STOML2: variants seen among roughly 807,000 people sequenced by gnomAD.
STOML2 encodes the protein stomatin like 2, also known as stomatin-like protein 2, mitochondrial.
A neutral mutation model predicts 45.7 loss-of-function variants in STOML2; 22 were observed. That is an observed-to-expected ratio of 0.48 (90% CI 0.34 to 0.69). The LOEUF (loss-of-function observed/expected upper bound fraction) is 0.69, where lower values mean the gene tolerates loss of function less well. Ranked by LOEUF, STOML2 falls within the 30% of genes least tolerant of loss-of-function variation. The probability of loss-of-function intolerance (pLI) is 0.01; values close to 1 mark genes in which losing one functional copy is unlikely to be tolerated. For synonymous variants in STOML2, 181 were observed against 182.7 expected (o/e 0.99, Z 0.08); for missense variants, 359 against 466.9 (o/e 0.77, Z 2.13).
In STOML2 at chr9:35,103,060, A is replaced by T; in HGVS notation, c.35T>A (p.Leu12His). The change falls in exon 1 of 10, where the codon CTT becomes CAT. Residue 12 changes from leucine to histidine, a missense_variant. This residue lies in a region of STOML2 where 74 missense variants were observed against 45.0 expected (regional missense o/e 1.65). Coordinates refer to ENST00000356493, the MANE Select transcript of STOML2 (RefSeq NM_013442.3). Reference protein sequence around the residue: ...LARAARGTGALLLRGSLLASG... With the variant: ...LARAARGTGAHLLRGSLLASG... ...TTGCCTCGCTCTCACCCTCAGCAAA[A>T]GGGCCCCAGTGCCCCGCGCCGCGCG... 1 of 1,613,956 alleles carries T rather than the reference A, an allele frequency of 6.2e-7. No individual in the cohort carries two copies. The highest frequency in any genetic ancestry group is 8.5e-7 in the Non-Finnish European group (1 of 1,179,966).
In STOML2 at chr9:35,102,507, A is replaced by T; in HGVS notation, c.183+179T>A. The T allele has an allele frequency of 2.0e-6, 2 of 1,021,186 alleles. No homozygotes were observed. Among genetic ancestry groups the T allele is most frequent in the Admixed American group, 4.8e-5 (2 of 41,500 alleles). 63.3% of individuals were successfully genotyped at this position (1,021,186 alleles called of 1,614,324 possible). ...GATTCCCAAGAATGGGGCCTGTGAGATGCATAGGAAAAGGTGGTAACATGG... is the reference window on the plus strand; with the variant it reads ...GATTCCCAAGAATGGGGCCTGTGAGTTGCATAGGAAAAGGTGGTAACATGG... On this transcript the variant is annotated intron_variant, in intron 2 of 9. Coordinates refer to ENST00000356493, the MANE Select transcript of STOML2 (RefSeq NM_013442.3). This position sits in a 1 kb window ranked among gnomAD's most constrained non-coding sequence, Gnocchi z 4.8.
Position 35,102,623 on chromosome 9 carries a change from C to T in STOML2, c.183+63G>A. 6.3e-7 allele frequency: 1 copy of T among 1,594,180 alleles called. No individual in the cohort carries two copies. The highest frequency in any genetic ancestry group is 1.1e-5 in the South Asian group (1 of 88,756). Reference sequence around the variant, plus strand: ...GCAGGCCCAAAGGAAGTCCTCCCGACATTGCATGTCGTGAGGGATTGGTCA... The same window carrying T: ...GCAGGCCCAAAGGAAGTCCTCCCGATATTGCATGTCGTGAGGGATTGGTCA... On this transcript the variant is annotated intron_variant, in intron 2 of 9. Transcript: ENST00000356493. This position sits in a 1 kb window ranked among gnomAD's most constrained non-coding sequence, Gnocchi z 4.8.
Position 35,102,099 on chromosome 9 carries a change from A to G in STOML2, c.279T>C (p.Thr93=). The change falls in exon 3 of 10, where the codon ACT becomes ACC. Residue 93 remains threonine (T), a synonymous_variant. Coordinates refer to ENST00000356493, the MANE Select transcript of STOML2 (RefSeq NM_013442.3). This position sits in a 1 kb window ranked among gnomAD's most constrained non-coding sequence, Gnocchi z 4.8. ...VINVPEQSAV[T]LDNVTLQIDG... The stretch of plus-strand genomic sequence containing the variant: ...ATGTCACCCTGAACCCCTCACCGAG[A>G]GTCACAGCCGACTGCTCAGGCACGT... 1 of 1,613,996 alleles carries G rather than the reference A, an allele frequency of 6.2e-7. No individual in the cohort carries two copies.
chr9:35,100,218 G>A (rs1770428331), intron 9 of STOML2, 46 bp from the exon 10 acceptor site: 2 of 1,601,778 alleles, frequency 1.2e-6, no homozygotes, highest in Non-Finnish European at 1.7e-6. Context: ...CTTGACAGAG[G>A]TGCAGCCCAG....
At position 35,101,659 on chromosome 9, in the gene STOML2, GAGTGTC is replaced by G; in HGVS notation, c.444+45_444+50del. Reference sequence around the variant, plus strand: ...GATCTTGACCTTCAGAAAAGATTAAGAGTGTCAGGTTTGTGTCTTCAAACCCTAACT... The same window carrying G: ...GATCTTGACCTTCAGAAAAGATTAAGAGGTTTGTGTCTTCAAACCCTAACT... On this transcript the variant is annotated intron_variant, in intron 5 of 9. Transcript: ENST00000356493. This position sits in a 1 kb window ranked among gnomAD's most constrained non-coding sequence, Gnocchi z 4.3. 1 of 1,613,898 alleles carries G rather than the reference GAGTGTC, an allele frequency of 6.2e-7. No individual in the cohort carries two copies. Among genetic ancestry groups the G allele is most frequent in the Non-Finnish European group, 8.5e-7 (1 of 1,179,844 alleles).
In STOML2 at chr9:35,101,015, C is replaced by G. The variant is rs923531597; in HGVS notation, c.725-4G>C. 1 of 1,613,768 alleles carries G rather than the reference C, an allele frequency of 6.2e-7. No individual in the cohort carries two copies. The highest frequency in any genetic ancestry group is 1.1e-5 in the South Asian group (1 of 91,018). On this transcript the variant is annotated splice_region_variant and splice_polypyrimidine_tract_variant and intron_variant, in intron 7 of 9. Coordinates refer to ENST00000356493, the MANE Select transcript of STOML2 (RefSeq NM_013442.3). The surrounding 1 kb of genome is among the most constrained non-coding windows in gnomAD (Gnocchi z 4.3). The stretch of plus-strand genomic sequence containing the variant: ...GCCAGAACTGCACTGGCCTCTCCTG[C>G]AAGAGAAGGGACAGAGCTTGCTTGA...
chr9:35,100,114 A>C lies in STOML2; in HGVS notation c.992T>G (p.Leu331Arg), dbSNP rs148822028. The C allele has an allele frequency of 6.2e-7, 1 of 1,614,122 alleles. No individual in the cohort carries two copies. Among genetic ancestry groups the C allele is most frequent in the African/African-American group, 1.3e-5 (1 of 75,002 alleles). Residue 331 changes from leucine (L) to arginine (R), a missense_variant, in exon 10 of 10, where the codon CTC becomes CGC. By Grantham distance (102) the Leu-to-Arg change is moderately radical. This residue lies in a region of STOML2 where 285 missense variants were observed against 422.0 expected (regional missense o/e 0.68). Coordinates refer to ENST00000356493, the MANE Select transcript of STOML2 (RefSeq NM_013442.3). ...KAPVPGTPDS[L>R]SSGSSRDVQG... ...GACATCTCTGCTGCTCCCACTGGAG[A>C]GTGAGTCTGGAGTCCCTGGCACTGG...
In STOML2 at chr9:35,102,293, C is replaced by CAGCTT. The variant is rs1829836077; in HGVS notation, c.184-100_184-99insAAGCT. ...GTAGGGAGTCAACACATGGAACATG[C>CAGCTT]CCAGAAAAGCAGCAGCTCCTACCAA... On this transcript the variant is annotated intron_variant, in intron 2 of 9. Coordinates refer to ENST00000356493, the MANE Select transcript of STOML2 (RefSeq NM_013442.3). The surrounding 1 kb of genome is among the most constrained non-coding windows in gnomAD (Gnocchi z 4.8). The CAGCTT allele has an allele frequency of 3.6e-5, 36 of 1,007,494 alleles. No homozygotes were observed. The highest frequency in any genetic ancestry group is 5.0e-5 in the Non-Finnish European group (34 of 674,994). The allele number at this position is 1,007,494 out of a possible 1,614,324, so 62.4% of individuals were successfully genotyped here.
intron 9 of STOML2, 45 bp downstream of exon 9, chr9:35,100,553 T>C (rs781229604): frequency 1.9e-5 from 30 of 1,578,286 alleles, no homozygotes; most frequent in Non-Finnish European, 2.2e-5. Context: ...CTCAGTTTGG[T>C]CCCTGGCACC....
Position 35,102,940 on chromosome 9 carries a change from C to A in STOML2, c.45+110G>T. On this transcript the variant is annotated intron_variant, in intron 1 of 9. Coordinates refer to ENST00000356493, the MANE Select transcript of STOML2 (RefSeq NM_013442.3). This position sits in a 1 kb window ranked among gnomAD's most constrained non-coding sequence, Gnocchi z 4.8. The stretch of plus-strand genomic sequence containing the variant: ...GGATCCTCGGAGAATCACATGGGGA[C>A]CATGACCTCTGACCCCAGTCCTCTC... 6.3e-7 allele frequency: 1 copy of A among 1,580,790 alleles called. No homozygotes were observed. The highest frequency in any genetic ancestry group is 8.6e-7 in the Non-Finnish European group (1 of 1,161,186).
chr9:35,103,192 CG>C (rs1829865074), upstream of STOML2: 2 of 1,448,038 alleles, frequency 1.4e-6, no homozygotes, highest in African/African-American at 2.8e-5. Flanking sequence ...TCCGCTCCCC[CG>C]GATGTACTTC....
Position 35,102,245 on chromosome 9 carries a change from G to C in STOML2, c.184-51C>G. ...AGAAGGCTGGGAACTATTGGGTTGGGACCTAAGCTAGTCCTGGAGTATGTA... is the reference window on the plus strand; with the variant it reads ...AGAAGGCTGGGAACTATTGGGTTGGCACCTAAGCTAGTCCTGGAGTATGTA... On this transcript the variant is annotated intron_variant, in intron 2 of 9. Coordinates refer to ENST00000356493, the MANE Select transcript of STOML2 (RefSeq NM_013442.3). The surrounding 1 kb of genome is among the most constrained non-coding windows in gnomAD (Gnocchi z 4.8). The C allele has an allele frequency of 6.6e-7, 1 of 1,519,760 alleles. No individual in the cohort carries two copies. Among genetic ancestry groups the C allele is most frequent in the Non-Finnish European group, 9.1e-7 (1 of 1,099,108 alleles). 94.1% of individuals were successfully genotyped at this position (1,519,760 alleles called of 1,614,324 possible). A position where few individuals can be genotyped will look rare whatever the true frequency, so the allele number is the denominator to read the frequency against.
In STOML2 at chr9:35,102,656, G is replaced by C. The variant is rs1829848058; in HGVS notation, c.183+30C>G. ...GTCGTGAGGGATTGGTCATCTGGCT[G>C]GCCCAGGGTGGGCAGAAGAGGTTTC... On this transcript the variant is annotated intron_variant, in intron 2 of 9. Transcript: ENST00000356493. The surrounding 1 kb of genome is among the most constrained non-coding windows in gnomAD (Gnocchi z 4.8). 1 of 1,610,110 alleles carries C rather than the reference G, an allele frequency of 6.2e-7. No individual in the cohort carries two copies. The highest frequency in any genetic ancestry group is 8.5e-7 in the Non-Finnish European group (1 of 1,179,058).
intron 9 of STOML2, 63 bp downstream of exon 9, chr9:35,100,535 G>A: frequency 6.2e-7 from 1 of 1,604,612 alleles, no homozygotes; most frequent in Non-Finnish European, 8.5e-7. Flanking sequence ...TGATGACGGT[G>A]GTGGGGTCTC....
chr9:35,103,185 GCTCCCCCGGATGTACTTCCGGCAGCTCC>G (rs1255921685), upstream of STOML2: 5 of 1,503,324 alleles, frequency 3.3e-6, no homozygotes, highest in East Asian at 2.3e-5. Flanking sequence ...TTGCAGTTCC[GCTCCCCCGGATGTACTTCCGGCAGCTCC>G]CTCCCCCGCT....
chr9:35,101,729 G>C lies in STOML2; in HGVS notation c.425C>G (p.Ser142Cys). ...TTMRSELGKLSLDKVFRERES... is the reference protein window; with the variant it reads ...TTMRSELGKLCLDKVFRERES... The stretch of plus-strand genomic sequence containing the variant: ...GCTTACCCGGAAGACTTTGTCCAGA[G>C]AGAGTTTGCCGAGCTCTGATCTCAT... The change falls in exon 5 of 10, where the codon TCT becomes TGT. Residue 142 changes from serine (S) to cysteine (C), a missense_variant. Coordinates refer to ENST00000356493, the MANE Select transcript of STOML2 (RefSeq NM_013442.3). This position sits in a 1 kb window ranked among gnomAD's most constrained non-coding sequence, Gnocchi z 4.3. The C allele has an allele frequency of 1.2e-6, 2 of 1,614,198 alleles. No individual in the cohort carries two copies. The highest frequency in any genetic ancestry group is 1.1e-5 in the South Asian group (1 of 91,082).
chr9:35,102,335 A>C lies in STOML2; in HGVS notation c.184-141T>G. 1 of 726,728 alleles carries C rather than the reference A, an allele frequency of 1.4e-6. No homozygotes were observed. 45.0% of individuals were successfully genotyped at this position (726,728 alleles called of 1,614,324 possible). ...TCCTACCAAGAAATAAGTCCTCAGAAGGCTGAGGTGTCACTGGTAAGAAAA... is the reference window on the plus strand; with the variant it reads ...TCCTACCAAGAAATAAGTCCTCAGACGGCTGAGGTGTCACTGGTAAGAAAA... On this transcript the variant is annotated intron_variant, in intron 2 of 9. Transcript: ENST00000356493. This position sits in a 1 kb window ranked among gnomAD's most constrained non-coding sequence, Gnocchi z 4.8.
rs1245721125 is a variant in STOML2 at position 35,101,844 on chromosome 9, G to A, written c.343-33C>T. The A allele has an allele frequency of 1.2e-6, 2 of 1,614,062 alleles. No individual in the cohort carries two copies. The highest frequency in any genetic ancestry group is 1.1e-5 in the South Asian group (1 of 91,078). ...GGACACGGATAGTGTAAGAAGCTTG[G>A]GCACAAGATTTTAGTGAAGAGGGCA... On this transcript the variant is annotated intron_variant, in intron 4 of 9. Coordinates refer to ENST00000356493, the MANE Select transcript of STOML2 (RefSeq NM_013442.3). The surrounding 1 kb of genome is among the most constrained non-coding windows in gnomAD (Gnocchi z 4.3).
chr9:35,103,105 C>A lies in STOML2; in HGVS notation c.-11G>T. 6.2e-7 allele frequency: 1 copy of A among 1,613,058 alleles called. No homozygotes were observed. The highest frequency in any genetic ancestry group is 8.5e-7 in the Non-Finnish European group (1 of 1,179,922). On this transcript the variant is annotated 5_prime_UTR_variant, in exon 1 of 10. Coordinates refer to ENST00000356493, the MANE Select transcript of STOML2 (RefSeq NM_013442.3). The stretch of plus-strand genomic sequence containing the variant: ...CGCGCGCGCCAGCATTTCCCACCGC[C>A]GCAGCGACCTCCGGAACCAACGAGA...
Sources: allele counts gnomAD v4.1 joint callset, GRCh38; gene constraint gnomAD v4.1.1; regional missense constraint gnomAD v4.1.1; non-coding constraint Gnocchi (gnomAD v3.1); transcripts MANE v1.5; gene names NCBI Gene and HGNC (gene_info 2026-07-23, HGNC 2026-07-21).